Variants in PTK2B observed in about 807,000 individuals in gnomAD.
PTK2B encodes protein-tyrosine kinase 2-beta.
Under a neutral mutation model 142.9 loss-of-function variants are expected in PTK2B, and 71 were observed. The ratio of observed to expected loss-of-function variants is 0.50; its 90% CI spans 0.41 to 0.61. The LOEUF (loss-of-function observed/expected upper bound fraction) is 0.61. Among genes scored for constraint, PTK2B ranks in the 20% least tolerant of loss-of-function variants. PTK2B has a pLI of 0.00. For missense variants in PTK2B, 1,105 were observed against 1,320.4 expected, an observed-to-expected ratio of 0.84 and a Z score of 2.53; for synonymous variants, 519 against 503.4, an observed-to-expected ratio of 1.03 and a Z score of -0.42.
intron 1 of PTK2B, among the ~76,000 whole-genome samples, chr8:27,329,190 C>G (rs1024398563): frequency 6.6e-5 from 10 of 152,176 alleles, no homozygotes; most frequent in African/African-American, 2.4e-4. Flanking sequence ...CCTGCCTCAG[C>G]CTCCCAAAGT....
At chr8:27,318,879 G>A (rs1391878549) in intron 3 of PTK2B, among the ~76,000 whole-genome samples, 1 of 152,102 alleles carries the variant, frequency 6.6e-6, no homozygotes, top group Non-Finnish European at 1.5e-5. Flanking sequence ...TCAAACTCCT[G>A]ACCTGAAGTG....
intron 24 of PTK2B, among the ~76,000 whole-genome samples, chr8:27,450,053 T>G (rs1187324822): frequency 1.3e-5 from 2 of 152,240 alleles, no homozygotes; most frequent in Non-Finnish European, 2.9e-5. Context: ...TTGTTCCTTA[T>G]TTTATCTCTT....
chr8:27,335,500 G>A (rs756769133), intron 1 of PTK2B, among the ~76,000 whole-genome samples: 21 of 151,390 alleles, frequency 1.4e-4, no homozygotes, highest in Non-Finnish European at 2.8e-4. Flanking sequence ...GCTGAGGCAG[G>A]AGAATGGCTT....
chr8:27,408,629 G>C (rs2131610287), intron 2 of PTK2B, among the ~76,000 whole-genome samples: 1 of 152,182 alleles, frequency 6.6e-6, no homozygotes, highest in South Asian at 2.1e-4. Context: ...GAACCTTTAG[G>C]AAGCCAAAAG....
chr8:27,365,967 T>C (rs891974182), intron 1 of PTK2B, among the ~76,000 whole-genome samples: 35 of 152,384 alleles, frequency 2.3e-4, no homozygotes, highest in African/African-American at 8.4e-4. Context: ...TCATACCTGA[T>C]GTTTTTATTG....
chr8:27,357,151 T>C (rs1406382853), intron 1 of PTK2B, among the ~76,000 whole-genome samples: 3 of 152,310 alleles, frequency 2.0e-5, no homozygotes, highest in South Asian at 2.1e-4. Context: ...GGTTTTGATA[T>C]TATTATTCTA....
intron 2 of PTK2B, among the ~76,000 whole-genome samples, chr8:27,418,651 A>G (rs1039367949): frequency 6.6e-6 from 1 of 152,314 alleles, no homozygotes; most frequent in South Asian, 2.1e-4. Flanking sequence ...TTTTAAATTT[A>G]TATCCCAGAG....
In PTK2B at chr8:27,420,738, C is replaced by T. The variant is rs747499398; in HGVS notation, c.465C>T (p.Tyr155=). 1.8e-5 allele frequency: 29 copies of T among 1,611,420 alleles called. No individual in the cohort carries two copies. In the South Asian group the frequency reaches 3.2e-4, roughly 18 times the overall value. The change falls in exon 4 of 31, where the codon TAC becomes TAT. Residue 155 remains tyrosine, a synonymous_variant. Coordinates refer to ENST00000346049, the MANE Select transcript of PTK2B (RefSeq NM_173176.3). ...KEDRTTLLYF[Y]QQLRNDYMQR... The stretch of plus-strand genomic sequence containing the variant: ...ACAGGACCACGCTGCTCTATTTTTA[C>T]CAACAGGTAAAAAGTACTTTATCTT...
chr8:27,364,838 C>A (rs916821761), intron 1 of PTK2B, among the ~76,000 whole-genome samples: 1 of 152,110 alleles, frequency 6.6e-6, no homozygotes, highest in African/African-American at 2.4e-5. Context: ...ACTCCTTTTT[C>A]CTCATTATCG....
intron 1 of PTK2B, among the ~76,000 whole-genome samples, chr8:27,338,721 T>C (rs1168028164): frequency 6.6e-6 from 1 of 152,240 alleles, no homozygotes. Flanking sequence ...AATAAGATAA[T>C]TGAGAAAGCA....
chr8:27,396,532 C>A (rs1386470639), intron 1 of PTK2B, among the ~76,000 whole-genome samples: 1 of 152,232 alleles, frequency 6.6e-6, no homozygotes, highest in East Asian at 1.9e-4. Context: ...CAATGCTCAG[C>A]CCAGACCAAT....
At chr8:27,435,639 C>A (rs373788281) in intron 13 of PTK2B, 104 bp from the exon 14 acceptor site, 2 of 1,383,416 alleles carry the variant, frequency 1.4e-6, no homozygotes, top group Non-Finnish European at 2.0e-6. Context: ...TCCTCCTACC[C>A]CCTTGGGCTC....
At chr8:27,450,125 G>A (rs1219658872) in intron 24 of PTK2B, among the ~76,000 whole-genome samples, 1 of 152,182 alleles carries the variant, frequency 6.6e-6, no homozygotes, top group Admixed American at 6.5e-5. Context: ...AATAAAGAAT[G>A]TGTCTTAATA....
Position 27,419,930 on chromosome 8 carries a change from C to T in PTK2B, c.240C>T (p.Ile80=), listed in dbSNP as rs1483229311. The T allele has an allele frequency of 3.7e-6, 6 of 1,614,052 alleles. No homozygotes were observed. The highest frequency in any genetic ancestry group is 1.3e-5 in the African/African-American group (1 of 74,924). ...CCTCCATCCTGCTGAGCGGGCGGAT[C>T]GGGCCCAACATCCGGTTGGCTGAGT... ...IITSILLSGR[I]GPNIRLAECY... is the part of the protein sequence containing the mutation. The change falls in exon 3 of 31, where the codon ATC becomes ATT. Residue 80 remains isoleucine, a synonymous_variant. Transcript: ENST00000346049.
intron 1 of PTK2B, among the ~76,000 whole-genome samples, chr8:27,333,124 C>T (rs911839957): frequency 1.3e-5 from 2 of 152,156 alleles, no homozygotes; most frequent in Non-Finnish European, 2.9e-5. Flanking sequence ...AGACAGGATA[C>T]ACTGTGGGAA....
At chr8:27,451,631 C>A in intron 27 of PTK2B, 122 bp downstream of exon 27, 2 of 1,554,196 alleles carry the variant, frequency 1.3e-6, no homozygotes, top group Non-Finnish European at 8.7e-7. Flanking sequence ...CAGCATCGGC[C>A]ATGATTTAAT....
chr8:27,444,406 C>A, intron 23 of PTK2B, 135 bp downstream of exon 23: 5 of 915,338 alleles, frequency 5.5e-6, no homozygotes, highest in East Asian at 5.2e-5. Flanking sequence ...TCTTCTTTGG[C>A]ACCCAGAACA....
intron 1 of PTK2B, among the ~76,000 whole-genome samples, chr8:27,396,864 G>C (rs951902419): frequency 6.6e-6 from 1 of 152,226 alleles, no homozygotes; most frequent in Non-Finnish European, 1.5e-5. Context: ...CCCATGTGCA[G>C]CATGCCCTTC....
chr8:27,451,204 T>C, intron 26 of PTK2B, 126 bp downstream of exon 26: 4 of 1,180,806 alleles, frequency 3.4e-6, no homozygotes, highest in Non-Finnish European at 3.7e-6. Context: ...TGGCTTTCCA[T>C]GTTGGGAGGG....
Sources: allele counts gnomAD v4.1 joint callset (sites outside exome capture counted in the v4.1 genomes callset), GRCh38; gene constraint gnomAD v4.1.1; transcripts MANE v1.5; gene names NCBI Gene and HGNC (gene_info 2026-07-23, HGNC 2026-07-21).